The following RAB27B variants were observed in gnomAD, a reference collection of about 807,000 sequenced individuals.
The protein encoded by RAB27B is RAB27B, member RAS oncogene family.
A neutral mutation model predicts 24.6 loss-of-function variants in RAB27B; 15 were observed. The ratio of observed to expected loss-of-function variants is 0.61; its 90% CI spans 0.41 to 0.94. RAB27B has a LOEUF of 0.94. RAB27B is among the 40% of genes least tolerant of loss of function. The pLI, the probability that RAB27B is intolerant of heterozygous loss-of-function variation, is 0.00. For missense variants in RAB27B, 261 were observed against 266.8 expected (o/e 0.98, Z 0.15); for synonymous variants, 105 against 92.5 (o/e 1.14, Z -0.78).
At chr18:54,763,543 G>A (rs1441194745) in intron 2 of RAB27B, among the ~76,000 whole-genome samples, 1 of 152,166 alleles carries the variant, frequency 6.6e-6, no homozygotes, top group South Asian at 2.1e-4. Flanking sequence ...GATCATGGAT[G>A]TAACAGATGT....
intron 1 of RAB27B, among the ~76,000 whole-genome samples, chr18:54,832,209 A>G (rs957304063): frequency 6.6e-6 from 1 of 152,196 alleles, no homozygotes; most frequent in African/African-American, 2.4e-5. Context: ...GGGTCAGAAC[A>G]GTGGCCACCA....
intron 1 of RAB27B, among the ~76,000 whole-genome samples, chr18:54,833,281 C>T (rs1162569345): frequency 7.5e-6 from 1 of 133,090 alleles, no homozygotes; most frequent in Non-Finnish European, 1.5e-5. Context: ...GGCTGGAGTG[C>T]AATGGCACGA....
intron 1 of RAB27B, among the ~76,000 whole-genome samples, chr18:54,836,687 A>C (rs1245811543): frequency 1.3e-5 from 2 of 152,010 alleles, no homozygotes; most frequent in African/African-American, 4.8e-5. Context: ...TTCAGGAATC[A>C]TGTTTTCTAA....
intron 2 of RAB27B, among the ~76,000 whole-genome samples, chr18:54,720,742 T>C (rs1467464874): frequency 6.6e-6 from 1 of 152,030 alleles, no homozygotes. Context: ...GGTAGACCTG[T>C]GGGAGACAGT....
At chr18:54,730,564 C>T (rs1461529052) in intron 2 of RAB27B, among the ~76,000 whole-genome samples, 4 of 151,944 alleles carry the variant, frequency 2.6e-5, no homozygotes, top group Admixed American at 6.6e-5. Flanking sequence ...AGGTGGGGCC[C>T]GGTGGAGGTG....
At chr18:54,728,903 C>CACAA (rs1909634508) in intron 2 of RAB27B, among the ~76,000 whole-genome samples, 1 of 68,254 alleles carries the variant, frequency 1.5e-5, no homozygotes, top group Non-Finnish European at 2.5e-5. Flanking sequence ...AAAAAAAACC[C>CACAA]AAAAAAAAAA....
At chr18:54,724,936 T>C (rs1909482791) in intron 2 of RAB27B, among the ~76,000 whole-genome samples, 1 of 151,556 alleles carries the variant, frequency 6.6e-6, no homozygotes, top group Admixed American at 6.6e-5. Flanking sequence ...TGTTAACAAT[T>C]TGAATGCTAT....
At chr18:54,754,623 C>T (rs1014345255) in intron 2 of RAB27B, among the ~76,000 whole-genome samples, 1 of 152,148 alleles carries the variant, frequency 6.6e-6, no homozygotes, top group South Asian at 2.1e-4. Flanking sequence ...CGGATCTTGT[C>T]TACGTAAAGG....
At chr18:54,766,097 C>T (rs932146699) in intron 2 of RAB27B, among the ~76,000 whole-genome samples, 2 of 152,186 alleles carry the variant, frequency 1.3e-5, no homozygotes, top group African/African-American at 4.8e-5. Context: ...CCAGAATTGC[C>T]TGAGAATTCC....
intron 2 of RAB27B, among the ~76,000 whole-genome samples, chr18:54,805,707 A>T (rs1270471245): frequency 6.6e-6 from 1 of 152,210 alleles, no homozygotes; most frequent in Non-Finnish European, 1.5e-5. Flanking sequence ...AAGAATCACT[A>T]ATAGAGTTGA....
At chr18:54,791,416 T>G (rs1909242560) in intron 2 of RAB27B, among the ~76,000 whole-genome samples, 2 of 152,036 alleles carry the variant, frequency 1.3e-5, no homozygotes, top group Admixed American at 1.3e-4. Context: ...TCTACAAAAA[T>G]ATTTTTAAAT....
At position 54,820,457 on chromosome 18, in the gene RAB27B, T is replaced by G. The variant is rs529954847; in HGVS notation, c.-19-57110T>G. On this transcript the variant is annotated intron_variant, in intron 2 of 4. Transcript: ENST00000586570. ...TTGTTCATATCGTTTGCCCACTTTT[T>G]GATGGGATTGTTTTTTTCTTGTAAA... Among the ~76,000 whole-genome samples, 3 of 152,364 alleles carry G rather than the reference T, an allele frequency of 2.0e-5. No individual in the cohort carries two copies. In the South Asian group the frequency reaches 6.2e-4, roughly 32 times the overall value.
intron 2 of RAB27B, among the ~76,000 whole-genome samples, chr18:54,773,925 G>A (rs770825562): frequency 7.9e-5 from 12 of 152,066 alleles, no homozygotes; most frequent in Non-Finnish European, 1.2e-4. Context: ...TGATCCACCC[G>A]CCTCGGCCTC....
chr18:54,800,383 G>T (rs985706127), intron 2 of RAB27B, among the ~76,000 whole-genome samples: 2 of 152,140 alleles, frequency 1.3e-5, no homozygotes, highest in African/African-American at 4.8e-5. Context: ...TTTTTAATGT[G>T]ATTCAAAGCC....
intron 2 of RAB27B, among the ~76,000 whole-genome samples, chr18:54,751,755 G>A (rs1384493463): frequency 3.3e-5 from 5 of 152,130 alleles, no homozygotes; most frequent in Admixed American, 1.3e-4. Context: ...TAGGGAAATC[G>A]ATGAAGCATA....
intron 2 of RAB27B, among the ~76,000 whole-genome samples, chr18:54,784,246 T>A (rs1413007238): frequency 6.6e-6 from 1 of 152,238 alleles, no homozygotes; most frequent in African/African-American, 2.4e-5. Flanking sequence ...AAATTTCAAA[T>A]TGCCATCATA....
chr18:54,812,202 CAG>C (rs1224451553), intron 2 of RAB27B, among the ~76,000 whole-genome samples: 1 of 152,078 alleles, frequency 6.6e-6, no homozygotes, highest in Non-Finnish European at 1.5e-5. Flanking sequence ...TTGTATTAAA[CAG>C]AATTTTAGAA....
intron 2 of RAB27B, among the ~76,000 whole-genome samples, chr18:54,736,253 G>A (rs187140408): frequency 3.0e-4 from 46 of 152,224 alleles, no homozygotes; most frequent in African/African-American, 1.1e-3. Flanking sequence ...ATGATGAAAC[G>A]GAATTGCTGC....
At chr18:54,749,120 T>C (rs1450013219) in intron 2 of RAB27B, among the ~76,000 whole-genome samples, 1 of 152,172 alleles carries the variant, frequency 6.6e-6, no homozygotes, top group Non-Finnish European at 1.5e-5. Context: ...TTCCTTGGTG[T>C]GATCCTTCCT....
Sources: gnomAD v4.1 joint callset for allele counts (sites outside exome capture counted in the v4.1 genomes callset) on GRCh38, gnomAD v4.1.1 for gene constraint, MANE v1.5 for transcripts, NCBI Gene and HGNC (gene_info 2026-07-23, HGNC 2026-07-21) for gene names.